Variants in TRAP1 observed in about 807,000 individuals in gnomAD.
TRAP1 encodes heat shock protein 75 kDa, mitochondrial.
In TRAP1, 102 loss-of-function variants were observed where a neutral mutation model predicts 89.1. The ratio of observed to expected loss-of-function variants is 1.15; its 90% CI spans 0.98 to 1.35. TRAP1 has a LOEUF of 1.35. Ranked by LOEUF, TRAP1 falls within the 40% of genes most tolerant of loss-of-function variation. The pLI, the probability that TRAP1 is intolerant of heterozygous loss-of-function variation, is 0.00. For missense variants in TRAP1, 1,256 were observed against 945.3 expected, an observed-to-expected ratio of 1.33 and a Z score of -4.31; for synonymous variants, 508 against 388.0, an observed-to-expected ratio of 1.31 and a Z score of -3.64.
intron 12 of TRAP1, 99 bp downstream of exon 12, chr16:3,665,872 G>C (rs2050819215): frequency 6.9e-7 from 1 of 1,456,120 alleles, no homozygotes; most frequent in Admixed American, 2.5e-5. Context: ...AGGGTACCCA[G>C]CTGCACCGTC....
chr16:3,658,945 A>G lies in TRAP1; in HGVS notation c.1941-80T>C, dbSNP rs576115451. On this transcript the variant is annotated intron_variant, in intron 16 of 17. Transcript: ENST00000246957. Reference sequence around the variant, plus strand: ...CCCTTCATGTTTTGGGATTATCAGGATATTTAAAGAAGCACAGTAAGACTG... The same window carrying G: ...CCCTTCATGTTTTGGGATTATCAGGGTATTTAAAGAAGCACAGTAAGACTG... The G allele has an allele frequency of 1.3e-5, 19 of 1,438,864 alleles. No individual in the cohort carries two copies. The South Asian group carries it at 1.8e-4, about 13-fold the overall frequency. 89.1% of individuals were successfully genotyped at this position (1,438,864 alleles called of 1,614,324 possible). A position where few individuals can be genotyped will look rare whatever the true frequency, so the allele number is the denominator to read the frequency against.
chr16:3,676,127 G>A lies in TRAP1; in HGVS notation c.723C>T (p.Ile241=), dbSNP rs748044609. 7.4e-6 allele frequency: 12 copies of A among 1,613,762 alleles called. No homozygotes were observed. The highest frequency in any genetic ancestry group is 2.2e-5 in the East Asian group (1 of 44,878). Residue 241 remains isoleucine, a synonymous_variant, in exon 7 of 18, where the codon ATC becomes ATT. Transcript: ENST00000246957. ...WLSDGSGVFE[I]AEASGVRTGT... Reference sequence around the variant, plus strand: ...CGGTTCTAACTCCCGAAGCTTCGGCGATTTCAAACACTCCAGAACTAAGGC... The same window carrying A: ...CGGTTCTAACTCCCGAAGCTTCGGCAATTTCAAACACTCCAGAACTAAGGC...
chr16:3,698,875 G>C (rs572532032), intron 1 of TRAP1, among the ~76,000 whole-genome samples: 2 of 151,538 alleles, frequency 1.3e-5, no homozygotes, highest in African/African-American at 4.8e-5. Context: ...GATGCAGCCA[G>C]GCCCTGTCTC....
At chr16:3,671,957 C>T (rs1264369194) in intron 10 of TRAP1, among the ~76,000 whole-genome samples, 166 bp from the exon 11 acceptor site, 1 of 152,268 alleles carries the variant, frequency 6.6e-6, no homozygotes, top group African/African-American at 2.4e-5. Flanking sequence ...CGTCCTGCCA[C>T]CTCCCAGAAC....
chr16:3,671,357 G>C (rs2050910051), intron 11 of TRAP1, among the ~76,000 whole-genome samples: 1 of 152,266 alleles, frequency 6.6e-6, no homozygotes. Context: ...GAGTGGGGAA[G>C]TGATAGCTAC....
intron 5 of TRAP1, chr16:3,678,428 C>A (rs1056557121): frequency 5.3e-5 from 8 of 152,204 alleles, no homozygotes; most frequent in African/African-American, 1.9e-4. Flanking sequence ...ACGTGGGGGT[C>A]AAGTCACAGT....
At chr16:3,712,901 C>T (rs1203213319) in intron 1 of TRAP1, among the ~76,000 whole-genome samples, 1 of 152,202 alleles carries the variant, frequency 6.6e-6, no homozygotes, top group Non-Finnish European at 1.5e-5. Context: ...CAGACGAGAG[C>T]CACCGCGCCC....
intron 1 of TRAP1, among the ~76,000 whole-genome samples, chr16:3,705,353 G>A (rs1294586857): frequency 1.3e-5 from 2 of 152,200 alleles, no homozygotes; most frequent in East Asian, 1.9e-4. Flanking sequence ...ACAGGCATGA[G>A]CCACCATGCC....
intron 4 of TRAP1, among the ~76,000 whole-genome samples, chr16:3,683,448 C>A (rs538247896): frequency 6.7e-6 from 1 of 150,052 alleles, no homozygotes; most frequent in African/African-American, 2.5e-5. Flanking sequence ...TGCAATGGCG[C>A]GATCTCAGCT....
At chr16:3,712,784 C>T (rs1439678075) in intron 1 of TRAP1, among the ~76,000 whole-genome samples, 3 of 152,090 alleles carry the variant, frequency 2.0e-5, no homozygotes, top group African/African-American at 7.2e-5. Flanking sequence ...TGGCTAATTT[C>T]TTTGTATTTT....
At chr16:3,669,469 T>A (rs1351815121) in intron 11 of TRAP1, among the ~76,000 whole-genome samples, 1 of 152,138 alleles carries the variant, frequency 6.6e-6, no homozygotes, top group African/African-American at 2.4e-5. Context: ...ATACCTTTTA[T>A]ATAGTTATAT....
At chr16:3,665,095 TAA>T (rs1454846763) in intron 12 of TRAP1, 3 of 152,408 alleles carry the variant, frequency 2.0e-5, no homozygotes, top group African/African-American at 7.2e-5. Context: ...TCTGCATTGA[TAA>T]GACATGTCAC....
chr16:3,699,941 G>C (rs868479343), intron 1 of TRAP1, among the ~76,000 whole-genome samples: 1 of 151,728 alleles, frequency 6.6e-6, no homozygotes, highest in African/African-American at 2.4e-5. Flanking sequence ...TCCCAAAGCT[G>C]CTGGGATTAC....
At chr16:3,683,929 G>A (rs1041185087) in intron 4 of TRAP1, among the ~76,000 whole-genome samples, 4 of 152,112 alleles carry the variant, frequency 2.6e-5, no homozygotes, top group Non-Finnish European at 5.9e-5. Flanking sequence ...ACTTTGGGAG[G>A]CCAAGGCAGT....
chr16:3,679,926 A>G, intron 4 of TRAP1, 136 bp from the exon 5 acceptor site: 1 of 752,640 alleles, frequency 1.3e-6, no homozygotes. Flanking sequence ...CCAGATGCTC[A>G]TCAGAAAAGA....
In TRAP1 at chr16:3,662,971, C is replaced by T. The variant is rs771331013; in HGVS notation, c.1709-4G>A. The T allele has an allele frequency of 1.1e-5, 18 of 1,605,852 alleles. No individual in the cohort carries two copies. Among genetic ancestry groups the T allele is most frequent in the East Asian group, 2.2e-5 (1 of 44,748 alleles). On this transcript the variant is annotated splice_polypyrimidine_tract_variant and splice_region_variant and intron_variant, in intron 14 of 17. Coordinates refer to ENST00000246957, the MANE Select transcript of TRAP1 (RefSeq NM_016292.3). ...TTCTCTGATAGGCACTCGGCGGCTG[C>T]GGAAGAGCAGGCGACAGGGAGCTCA... is the stretch of plus-strand genomic sequence containing the variant.
intron 1 of TRAP1, among the ~76,000 whole-genome samples, chr16:3,714,972 A>G (rs1321468384): frequency 6.6e-6 from 1 of 152,194 alleles, no homozygotes. Flanking sequence ...TCATCGTTCA[A>G]TCAATCCAAA....
intron 6 of TRAP1, 103 bp downstream of exon 6, chr16:3,677,395 G>A: frequency 6.7e-7 from 1 of 1,485,228 alleles, no homozygotes; most frequent in Non-Finnish European, 9.2e-7. Flanking sequence ...AAAAAGCCCA[G>A]AAAATGCCTG....
intron 4 of TRAP1, among the ~76,000 whole-genome samples, chr16:3,685,200 C>T (rs192045967): frequency 1.3e-5 from 2 of 152,306 alleles, no homozygotes; most frequent in East Asian, 3.9e-4. Flanking sequence ...AGAGAAGAAA[C>T]CCACTCCCCA....
Sources: gnomAD v4.1 joint callset for allele counts (sites outside exome capture counted in the v4.1 genomes callset) on GRCh38, gnomAD v4.1.1 for gene constraint, MANE v1.5 for transcripts, NCBI Gene and HGNC (gene_info 2026-07-23, HGNC 2026-07-21) for gene names.